MAPT: variants seen among roughly 807,000 people sequenced by gnomAD.
MAPT encodes the protein microtubule-associated protein tau.
In MAPT, 34 loss-of-function variants were observed where a neutral mutation model predicts 67.9. The ratio of observed to expected loss-of-function variants is 0.50; its 90% confidence interval spans 0.38 to 0.67. The LOEUF (loss-of-function observed/expected upper bound fraction) is 0.67, where lower values mean the gene tolerates loss of function less well. MAPT is among the 30% of genes least tolerant of loss of function. MAPT has a pLI of 0.00. For missense variants in MAPT, 881 were observed against 1,115.2 expected (o/e 0.79, Z 2.99); for synonymous variants, 456 against 464.5 (o/e 0.98, Z 0.23).
chr17:45,918,710 A>G (rs890816741), intron 1 of MAPT, among the ~76,000 whole-genome samples: 1 of 152,202 alleles, frequency 6.6e-6, no homozygotes, highest in Non-Finnish European at 1.5e-5. Context: ...CTGTTCTCAC[A>G]TTACTATAAA....
intron 1 of MAPT, among the ~76,000 whole-genome samples, chr17:45,905,617 G>A (rs1264843984): frequency 4.6e-5 from 7 of 152,170 alleles, no homozygotes; most frequent in Non-Finnish European, 8.8e-5. Flanking sequence ...CCAGAAGCAA[G>A]CTACTCCCTC....
intron 5 of MAPT, chr17:45,985,563 C>G: frequency 2.5e-6 from 1 of 404,072 alleles, no homozygotes; most frequent in Non-Finnish European, 3.4e-6. Context: ...CAGGACTTGT[C>G]AGAGCCTTTA....
chr17:45,988,162 C>A (rs540126990), intron 6 of MAPT, among the ~76,000 whole-genome samples: 1 of 152,314 alleles, frequency 6.6e-6, no homozygotes, highest in South Asian at 2.1e-4. Flanking sequence ...AGGGCCCCAG[C>A]CTGTGTCCCT....
At chr17:45,960,126 T>C (rs2070221846) in intron 1 of MAPT, among the ~76,000 whole-genome samples, 1 of 152,248 alleles carries the variant, frequency 6.6e-6, no homozygotes, top group African/African-American at 2.4e-5. Flanking sequence ...AACAGACACA[T>C]TTGCACAAGT....
At chr17:45,954,353 G>T (rs1040556795) in intron 1 of MAPT, among the ~76,000 whole-genome samples, 2 of 152,170 alleles carry the variant, frequency 1.3e-5, no homozygotes, top group Non-Finnish European at 2.9e-5. Flanking sequence ...AAAATGTGCC[G>T]ACTCTTGACC....
intron 1 of MAPT, among the ~76,000 whole-genome samples, chr17:45,902,219 A>T (rs891996518): frequency 2.0e-5 from 3 of 152,110 alleles, no homozygotes; most frequent in Non-Finnish European, 4.4e-5. Flanking sequence ...CTACAGGTAC[A>T]CACCATAATG....
chr17:45,941,705 G>GCCTTCCCTCCTTCCTT, intron 1 of MAPT, among the ~76,000 whole-genome samples: 1 of 25,576 alleles, frequency 3.9e-5, no homozygotes. Flanking sequence ...CTTCCTGCCT[G>GCCTTCCCTCCTTCCTT]CCTTCCTTCC....
At chr17:45,909,722 T>G (rs2064611499) in intron 1 of MAPT, among the ~76,000 whole-genome samples, 1 of 151,896 alleles carries the variant, frequency 6.6e-6, no homozygotes, top group African/African-American at 2.4e-5. Context: ...AACATAAAAA[T>G]TAGCCAAGCA....
chr17:46,018,577 GAAGATGATGGC>G, intron 11 of MAPT, 30 bp from the exon 12 acceptor site: 3 of 1,406,272 alleles, frequency 2.1e-6, no homozygotes, highest in Non-Finnish European at 3.0e-6. Flanking sequence ...CAGAACCACA[GAAGATGATGGC>G]AAGATGCTCT....
At chr17:46,015,703 A>G (rs1189029936) in intron 11 of MAPT, among the ~76,000 whole-genome samples, 1 of 152,070 alleles carries the variant, frequency 6.6e-6, no homozygotes, top group Non-Finnish European at 1.5e-5. Context: ...CACAACAAAA[A>G]CCTAAAAGAA....
chr17:46,006,252 C>A (rs2145959265), intron 9 of MAPT, among the ~76,000 whole-genome samples: 2 of 152,274 alleles, frequency 1.3e-5, no homozygotes, highest in South Asian at 4.1e-4. Flanking sequence ...GAATACTATT[C>A]AGCCATGAAA....
intron 1 of MAPT, among the ~76,000 whole-genome samples, chr17:45,952,228 T>A (rs2069158421): frequency 6.6e-6 from 1 of 152,184 alleles, no homozygotes; most frequent in African/African-American, 2.4e-5. Context: ...GGTTTAGATA[T>A]CCTTTATCCA....
intron 11 of MAPT, among the ~76,000 whole-genome samples, chr17:46,016,922 A>G (rs946445299): frequency 5.9e-5 from 9 of 152,202 alleles, no homozygotes; most frequent in African/African-American, 2.2e-4. Flanking sequence ...AGTGGCTGCC[A>G]TATCGGACGA....
At chr17:45,973,389 C>T (rs1416328337) in intron 3 of MAPT, 1 of 152,214 alleles carries the variant, frequency 6.6e-6, no homozygotes, top group African/African-American at 2.4e-5. Flanking sequence ...AGACCTCATG[C>T]CAGCTTCCCA....
At chr17:45,984,723 G>A (rs2073368626) in intron 5 of MAPT, among the ~76,000 whole-genome samples, 1 of 152,198 alleles carries the variant, frequency 6.6e-6, no homozygotes, top group South Asian at 2.1e-4. Context: ...GGTTGAGCAG[G>A]GCCCACCTTG....
intron 1 of MAPT, among the ~76,000 whole-genome samples, chr17:45,934,224 TAG>T (rs1310795023): frequency 6.6e-6 from 1 of 152,074 alleles, no homozygotes; most frequent in Non-Finnish European, 1.5e-5. Context: ...CCTGTAGTCT[TAG>T]CTACTTGGGA....
At chr17:45,954,325 T>C (rs557712665) in intron 1 of MAPT, among the ~76,000 whole-genome samples, 152 of 152,204 alleles carry the variant, frequency 1.0e-3, no homozygotes, top group Non-Finnish European at 1.6e-3. Context: ...ATATTTACTA[T>C]CTGGCCCTTT....
At position 45,971,363 on chromosome 17, in the gene MAPT, G is replaced by A. The variant is rs550374879; in HGVS notation, c.134-496G>A. 1.2e-4 allele frequency among the ~76,000 whole-genome samples: 19 copies of A among 152,262 alleles called. No individual in the cohort carries two copies. Among genetic ancestry groups the A allele is most frequent in the African/African-American group, 2.2e-4 (9 of 41,556 alleles). ...CTTTCTATGAAAGGAGCTTGGTGGC[G>A]TCCAAACACCACCCAATGTCCACTT... On this transcript the variant is annotated intron_variant, in intron 2 of 12. Transcript: ENST00000262410. The surrounding 1 kb of genome is among the most constrained non-coding windows in gnomAD (Gnocchi z 4.3).
intron 1 of MAPT, among the ~76,000 whole-genome samples, chr17:45,944,625 C>G (rs2068301645): frequency 6.6e-6 from 1 of 152,204 alleles, no homozygotes; most frequent in Non-Finnish European, 1.5e-5. Context: ...CTCCCCAGCC[C>G]CTGCCATGAG....
Sources: allele counts gnomAD v4.1 joint callset (sites outside exome capture counted in the v4.1 genomes callset), GRCh38; gene constraint gnomAD v4.1.1; non-coding constraint Gnocchi (gnomAD v3.1); transcripts MANE v1.5; gene names NCBI Gene and HGNC (gene_info 2026-07-23, HGNC 2026-07-21).